Variants in CHODL observed in about 807,000 individuals in gnomAD.
CHODL encodes chondrolectin.
In CHODL, 29 loss-of-function variants were observed where a neutral mutation model predicts 34.5. That is an observed-to-expected ratio of 0.84 (90% CI 0.63 to 1.15). The LOEUF (loss-of-function observed/expected upper bound fraction) is 1.15, where lower values mean the gene tolerates loss of function less well. Among genes scored for constraint, CHODL ranks in the 50% most tolerant of loss-of-function variants. The pLI, the probability that CHODL is intolerant of heterozygous loss-of-function variation, is 0.00. For synonymous variants in CHODL, 125 were observed against 116.1 expected, an observed-to-expected ratio of 1.08 and a Z score of -0.49; for missense variants, 332 against 332.5, an observed-to-expected ratio of 1.00 and a Z score of 0.01.
chr21:18,061,765 T>C (rs987393490), intron 2 of CHODL, among the ~76,000 whole-genome samples: 9 of 152,190 alleles, frequency 5.9e-5, no homozygotes, highest in African/African-American at 1.7e-4. Flanking sequence ...AGCAAAGATA[T>C]TGCCATCTGA....
At chr21:18,265,458 TGG>T (rs1369191261) in intron 5 of CHODL, among the ~76,000 whole-genome samples, 1 of 151,872 alleles carries the variant, frequency 6.6e-6, no homozygotes, top group Admixed American at 6.6e-5. Flanking sequence ...CACTCACAAG[TGG>T]GAGCTAAGCT....
chr21:17,921,993 GA>G (rs57361687), intron 1 of CHODL, among the ~76,000 whole-genome samples: 1 of 151,880 alleles, frequency 6.6e-6, no homozygotes, highest in South Asian at 2.1e-4. Flanking sequence ...CACAATAAAG[GA>G]AAGTTATGAA....
chr21:18,060,720 AAAAG>A (rs2064652433), intron 2 of CHODL, among the ~76,000 whole-genome samples: 1 of 151,486 alleles, frequency 6.6e-6, no homozygotes, highest in South Asian at 2.1e-4. Context: ...AAAAAAAAAA[AAAAG>A]AAAGCAAGCA....
intron 2 of CHODL, among the ~76,000 whole-genome samples, chr21:18,147,888 T>C (rs1352397780): frequency 1.3e-5 from 2 of 152,228 alleles, no homozygotes; most frequent in African/African-American, 2.4e-5. Flanking sequence ...AGGTGATGAA[T>C]CATGACTGAT....
intron 2 of CHODL, among the ~76,000 whole-genome samples, chr21:18,101,115 T>A (rs1308839307): frequency 6.6e-6 from 1 of 152,062 alleles, no homozygotes; most frequent in Non-Finnish European, 1.5e-5. Context: ...TGGGGGTGGG[T>A]CTTTCCTTTG....
intron 2 of CHODL, among the ~76,000 whole-genome samples, chr21:18,074,260 A>G (rs1001169785): frequency 2.0e-5 from 3 of 152,186 alleles, no homozygotes; most frequent in Non-Finnish European, 4.4e-5. Context: ...TGTTAGAACA[A>G]TGAGAATTGC....
At position 18,077,212 on chromosome 21, in the gene CHODL, A is replaced by G. The variant is rs149727788; in HGVS notation, c.-45+49241A>G. ...TTCCTATTTTCCCTTTTGGAATGGG[A>G]TTGTCTGTCCTGTGCCTGTCACACC... is the stretch of plus-strand genomic sequence containing the variant. On this transcript the variant is annotated intron_variant, in intron 2 of 6. Coordinates refer to the CHODL transcript ENST00000400127. Among the ~76,000 whole-genome samples the G allele has an allele frequency of 6.3e-3, 954 of 152,138 alleles. 14 individuals carry two copies. Among genetic ancestry groups the G allele is most frequent in the African/African-American group, 0.022 (893 of 41,500 alleles).
intron 1 of CHODL, among the ~76,000 whole-genome samples, chr21:17,963,140 T>G (rs147368454): frequency 0.015 from 2,296 of 152,094 alleles, 26 homozygotes; most frequent in Non-Finnish European, 0.02. Context: ...CCCAAAAAGG[T>G]TGACAGTGAA....
Position 18,251,702 on chromosome 21 carries a change from A to ATTTTAATATATAAAATATTTT in CHODL, c.80-4804_80-4803insTAATATATAAAATATTTTTTT, listed in dbSNP as rs2074256221. ...AATATATAAAATAAATATTTTATTTATTTATTTTAATATATAAAATAAATA... is the reference window on the plus strand; with the variant it reads ...AATATATAAAATAAATATTTTATTTATTTTAATATATAAAATATTTTTTTATTTTAATATATAAAATAAATA... On this transcript the variant is annotated intron_variant, in intron 1 of 5. Transcript: ENST00000299295. Among the ~76,000 whole-genome samples, 7 of 133,342 alleles carry ATTTTAATATATAAAATATTTT rather than the reference A, an allele frequency of 5.2e-5. 1 individual carries two copies. Among genetic ancestry groups the ATTTTAATATATAAAATATTTT allele is most frequent in the African/African-American group, 1.9e-4 (6 of 31,844 alleles). 87.5% of individuals were successfully genotyped at this position (133,342 alleles called of 152,430 possible).
At chr21:17,967,598 A>G (rs2063582326) in intron 1 of CHODL, among the ~76,000 whole-genome samples, 1 of 152,166 alleles carries the variant, frequency 6.6e-6, no homozygotes, top group South Asian at 2.1e-4. Context: ...CCTCCTATGT[A>G]GTAACATGTT....
intron 2 of CHODL, among the ~76,000 whole-genome samples, chr21:18,095,398 A>G (rs1228010950): frequency 6.6e-6 from 1 of 152,154 alleles, no homozygotes; most frequent in African/African-American, 2.4e-5. Context: ...GTATATTTAA[A>G]AAAACTAAAA....
intron 2 of CHODL, among the ~76,000 whole-genome samples, chr21:18,068,461 T>C (rs1391349859): frequency 1.3e-5 from 2 of 152,218 alleles, no homozygotes; most frequent in Non-Finnish European, 2.9e-5. Context: ...CCTCTCAAAG[T>C]GCTGGGATTA....
At chr21:18,260,819 CA>C (rs1037103591) in intron 4 of CHODL, among the ~76,000 whole-genome samples, 6 of 141,812 alleles carry the variant, frequency 4.2e-5, no homozygotes, top group Admixed American at 2.0e-4. Context: ...CTCAAAAAAG[CA>C]AACAACAACA....
chr21:18,196,299 T>C (rs2073587230), intron 2 of CHODL, among the ~76,000 whole-genome samples: 1 of 152,246 alleles, frequency 6.6e-6, no homozygotes, highest in Admixed American at 6.5e-5. Context: ...ACTATTGCTA[T>C]AAAATTTTCA....
chr21:18,078,214 C>T (rs185473160), intron 2 of CHODL, among the ~76,000 whole-genome samples: 267 of 152,184 alleles, frequency 1.8e-3, no homozygotes, highest in Non-Finnish European at 2.5e-3. Flanking sequence ...TTGAGGGACT[C>T]ACAGTTCCAC....
chr21:17,962,635 A>G (rs1238396624), intron 1 of CHODL, among the ~76,000 whole-genome samples: 1 of 152,208 alleles, frequency 6.6e-6, no homozygotes, highest in South Asian at 2.1e-4. Flanking sequence ...AGATACTTTT[A>G]GAAAAACTGG....
At chr21:18,027,107 A>G (rs1185229737) in intron 1 of CHODL, among the ~76,000 whole-genome samples, 2 of 31,486 alleles carry the variant, frequency 6.4e-5, no homozygotes, top group Non-Finnish European at 1.2e-4. Flanking sequence ...TGAGACCCCT[A>G]TTACTATGAA....
chr21:18,138,755 A>G (rs569283990), intron 2 of CHODL, among the ~76,000 whole-genome samples: 1 of 152,162 alleles, frequency 6.6e-6, no homozygotes, highest in Non-Finnish European at 1.5e-5. Flanking sequence ...AGCGAATAAG[A>G]GCACAATACA....
chr21:18,223,231 A>G (rs887833079), intron 2 of CHODL, among the ~76,000 whole-genome samples: 71 of 152,200 alleles, frequency 4.7e-4, no homozygotes, highest in African/African-American at 1.4e-3. Context: ...TTTCCAGGCT[A>G]CTGTATCTCC....
Sources: gnomAD v4.1 joint callset for allele counts (sites outside exome capture counted in the v4.1 genomes callset) on GRCh38, gnomAD v4.1.1 for gene constraint, MANE v1.5 for transcripts, NCBI Gene and HGNC (gene_info 2026-07-23, HGNC 2026-07-21) for gene names.